The following HYCC2 variants were observed in gnomAD, a reference collection of about 807,000 sequenced individuals.
The protein encoded by HYCC2 is hyccin PI4KA lipid kinase complex subunit 2, also known as hyccin 2.
the HYCC2 span, among the ~76,000 whole-genome samples, chr2:201,028,951 C>G: frequency 6.6e-6 from 1 of 152,266 alleles, no homozygotes; most frequent in East Asian, 1.9e-4. Flanking sequence ...CCAAAATAGA[C>G]AAATGGGATC....
chr2:200,993,824 A>G, the HYCC2 span, among the ~76,000 whole-genome samples: 1 of 151,606 alleles, frequency 6.6e-6, no homozygotes. Flanking sequence ...TACTAAAAAT[A>G]CAAAAAAAAA....
chr2:201,010,998 A>G, the HYCC2 span, among the ~76,000 whole-genome samples: 89 of 151,988 alleles, frequency 5.9e-4, no homozygotes, highest in Non-Finnish European at 1.2e-3. Flanking sequence ...TAAAAAAATT[A>G]GCCAGGCATG....
chr2:201,021,794 G>T, the HYCC2 span: 1 of 291,902 alleles, frequency 3.4e-6, no homozygotes, highest in African/African-American at 2.2e-5. Flanking sequence ...TTCAAACAAA[G>T]AATTCTGAAA....
chr2:201,044,495 TCA>T, the HYCC2 span, among the ~76,000 whole-genome samples: 4 of 152,208 alleles, frequency 2.6e-5, no homozygotes, highest in East Asian at 1.9e-4. Context: ...GGAAGAAAAC[TCA>T]CAGTTTTTGT....
At chr2:201,011,211 G>T in the HYCC2 span, among the ~76,000 whole-genome samples, 1 of 151,886 alleles carries the variant, frequency 6.6e-6, no homozygotes, top group African/African-American at 2.4e-5. Context: ...AAGAACTAAA[G>T]AAAATTTTCA....
At chr2:200,982,166 T>C in the HYCC2 span, among the ~76,000 whole-genome samples, 1 of 151,920 alleles carries the variant, frequency 6.6e-6, no homozygotes. Flanking sequence ...TACAACAGTT[T>C]GTTAACATAA....
chr2:201,046,719 G>T, the HYCC2 span, among the ~76,000 whole-genome samples: 1 of 152,090 alleles, frequency 6.6e-6, no homozygotes, highest in African/African-American at 2.4e-5. Flanking sequence ...AAAGAAAAAG[G>T]CCAAATGACA....
chr2:201,036,450 T>C, the HYCC2 span, among the ~76,000 whole-genome samples: 1 of 151,988 alleles, frequency 6.6e-6, no homozygotes, highest in Admixed American at 6.6e-5. Flanking sequence ...AAAAAGAAAA[T>C]TTTAGACCAA....
the HYCC2 span, among the ~76,000 whole-genome samples, chr2:201,025,375 C>T: frequency 6.6e-6 from 1 of 151,494 alleles, no homozygotes; most frequent in Admixed American, 6.6e-5. Context: ...AGATGTACAC[C>T]CACTTTAATG....
the HYCC2 span, among the ~76,000 whole-genome samples, chr2:200,982,523 A>C: frequency 1.3e-5 from 2 of 152,096 alleles, no homozygotes; most frequent in African/African-American, 2.4e-5. Flanking sequence ...TTTTCTACTC[A>C]CTGGTTTCCA....
At chr2:201,002,609 T>G in the HYCC2 span, among the ~76,000 whole-genome samples, 1 of 151,632 alleles carries the variant, frequency 6.6e-6, no homozygotes, top group Non-Finnish European at 1.5e-5. Context: ...CACTGCAACC[T>G]CCGCCTCCCG....
the HYCC2 span, chr2:200,988,532 G>T: frequency 3.0e-6 from 2 of 668,978 alleles, no homozygotes; most frequent in Non-Finnish European, 2.4e-6. Context: ...ATTATAATGT[G>T]TAATAAACAT....
chr2:200,993,273 C>T, the HYCC2 span, among the ~76,000 whole-genome samples: 1 of 152,226 alleles, frequency 6.6e-6, no homozygotes, highest in Non-Finnish European at 1.5e-5. Flanking sequence ...AGCTAATCAT[C>T]TCTTTCGCAA....
the HYCC2 span, among the ~76,000 whole-genome samples, chr2:201,037,728 T>C: frequency 3.3e-5 from 5 of 152,192 alleles, no homozygotes; most frequent in African/African-American, 9.7e-5. Flanking sequence ...TTATACCTTA[T>C]ACAAAAATTA....
chr2:200,980,578 T>G, the HYCC2 span: 1 of 152,756 alleles, frequency 6.5e-6, no homozygotes, highest in Non-Finnish European at 1.5e-5. Context: ...GCATTATCAA[T>G]TACACAATCA....
chr2:201,018,483 C>T, the HYCC2 span, among the ~76,000 whole-genome samples: 5 of 152,190 alleles, frequency 3.3e-5, no homozygotes, highest in South Asian at 6.2e-4. Context: ...TAACACTCTA[C>T]AATAAAAAGT....
At chr2:200,982,489 C>T in the HYCC2 span, among the ~76,000 whole-genome samples, 2 of 152,140 alleles carry the variant, frequency 1.3e-5, no homozygotes, top group Non-Finnish European at 2.9e-5. Context: ...TCTGTAACTT[C>T]ACAGTCATAT....
At chr2:200,988,232 A>G in the HYCC2 span, 1 of 1,565,886 alleles carries the variant, frequency 6.4e-7, no homozygotes, top group African/African-American at 1.4e-5. Flanking sequence ...ACTTGACTCC[A>G]TGTGTGGACT....
chr2:201,024,966 A>T, the HYCC2 span, among the ~76,000 whole-genome samples: 1,531 of 152,054 alleles, frequency 0.01, 32 homozygotes, highest in African/African-American at 0.035. Flanking sequence ...AAAAAAACTT[A>T]GCCAGGTGTA....
Sources: allele counts gnomAD v4.1 joint callset (sites outside exome capture counted in the v4.1 genomes callset), GRCh38; gene constraint gnomAD v4.1.1; transcripts MANE v1.5; gene names NCBI Gene and HGNC (gene_info 2026-07-23, HGNC 2026-07-21).